The following NBAS variants were observed in gnomAD, a reference collection of about 807,000 sequenced individuals.
NBAS encodes NAG/BC035112 fusion.
A neutral mutation model predicts 302.5 loss-of-function variants in NBAS; 219 were observed. The observed-to-expected ratio is 0.72, with a 90% CI of 0.65 to 0.81. The LOEUF (loss-of-function observed/expected upper bound fraction) is 0.81, where lower values mean the gene tolerates loss of function less well. Ranked by LOEUF, NBAS falls within the 30% of genes least tolerant of loss-of-function variation. The probability of loss-of-function intolerance (pLI) is 0.00; values close to 1 mark genes in which losing one functional copy is unlikely to be tolerated. For synonymous variants in NBAS, 1,118 were observed against 1,021.6 expected (o/e 1.09, Z -1.80); for missense variants, 2,932 against 2,841.6 (o/e 1.03, Z -0.72).
At chr2:15,467,544 G>C in intron 18 of NBAS, 120 bp downstream of exon 18, 3 of 1,276,978 alleles carry the variant, frequency 2.3e-6, no homozygotes, top group Non-Finnish European at 2.3e-6. Flanking sequence ...TAAGATAATA[G>C]TAAGTACATT....
chr2:15,136,055 A>C, the NBAS span, among the ~76,000 whole-genome samples: 1 of 152,222 alleles, frequency 6.6e-6, no homozygotes, highest in East Asian at 1.9e-4. Context: ...TTCTCCGGTC[A>C]AGAGGCAACG....
chr2:15,071,601 G>A, the NBAS span, among the ~76,000 whole-genome samples: 3 of 149,734 alleles, frequency 2.0e-5, no homozygotes, highest in African/African-American at 7.4e-5. Context: ...TCCAGCCTGG[G>A]TGATAGAGCA....
intron 49 of NBAS, among the ~76,000 whole-genome samples, chr2:15,188,320 G>A (rs34314139): frequency 0.04 from 6,028 of 152,242 alleles, 170 homozygotes; most frequent in Non-Finnish European, 0.057. Flanking sequence ...TTGTGTTGAT[G>A]GGCAACATAC....
the NBAS span, among the ~76,000 whole-genome samples, chr2:15,074,137 C>G: frequency 6.6e-6 from 1 of 152,042 alleles, no homozygotes; most frequent in African/African-American, 2.4e-5. Flanking sequence ...TCCAAAAACT[C>G]AAACATACAT....
At chr2:15,132,210 T>G in the NBAS span, among the ~76,000 whole-genome samples, 1 of 152,136 alleles carries the variant, frequency 6.6e-6, no homozygotes, top group Non-Finnish European at 1.5e-5. Context: ...ATAAATAAAA[T>G]GCGGTACATC....
At chr2:14,904,973 C>T in the NBAS span, among the ~76,000 whole-genome samples, 3 of 152,140 alleles carry the variant, frequency 2.0e-5, no homozygotes, top group Non-Finnish European at 4.4e-5. Context: ...GGTGTGAACC[C>T]GGGAAGCGGA....
intron 48 of NBAS, 57 bp downstream of exon 48, chr2:15,218,716 C>A: frequency 1.2e-6 from 2 of 1,610,784 alleles, no homozygotes; most frequent in Non-Finnish European, 1.7e-6. Flanking sequence ...GCGTGAGCAA[C>A]CGCGTCCGGC....
At chr2:14,980,941 T>C in the NBAS span, among the ~76,000 whole-genome samples, 1 of 151,812 alleles carries the variant, frequency 6.6e-6, no homozygotes, top group Non-Finnish European at 1.5e-5. Flanking sequence ...TGTTGAAAGG[T>C]AAAGTTGGGG....
At chr2:14,972,201 C>A in the NBAS span, among the ~76,000 whole-genome samples, 1 of 151,990 alleles carries the variant, frequency 6.6e-6, no homozygotes, top group South Asian at 2.1e-4. Flanking sequence ...AACACAGGAA[C>A]AGAAAACCAA....
chr2:15,073,740 C>T, the NBAS span, among the ~76,000 whole-genome samples: 1 of 152,128 alleles, frequency 6.6e-6, no homozygotes, highest in South Asian at 2.1e-4. Context: ...TTGTGACTTA[C>T]TCTTTTTTAC....
chr2:15,049,283 C>T, the NBAS span, among the ~76,000 whole-genome samples: 1 of 152,240 alleles, frequency 6.6e-6, no homozygotes, highest in East Asian at 1.9e-4. Context: ...GCTTTGGCCA[C>T]CTGCAAGGCC....
At chr2:15,548,256 C>T (rs972839951) in intron 6 of NBAS, among the ~76,000 whole-genome samples, 11 of 150,700 alleles carry the variant, frequency 7.3e-5, no homozygotes, top group Admixed American at 2.0e-4. Flanking sequence ...GTGCTAAGCA[C>T]GAAAAAAAAA....
At chr2:14,976,592 G>A in the NBAS span, among the ~76,000 whole-genome samples, 14 of 152,168 alleles carry the variant, frequency 9.2e-5, no homozygotes, top group African/African-American at 2.4e-4. Context: ...AAAAGTGGTC[G>A]TTCCAAAAAT....
the NBAS span, among the ~76,000 whole-genome samples, chr2:14,866,209 A>G: frequency 6.6e-6 from 1 of 152,130 alleles, no homozygotes; most frequent in Admixed American, 6.6e-5. Context: ...TCTTTTATAC[A>G]GTCAGCTTAA....
chr2:15,558,791 A>G (rs900101577), intron 1 of NBAS, among the ~76,000 whole-genome samples, 157 bp from the exon 2 acceptor site: 1 of 152,188 alleles, frequency 6.6e-6, no homozygotes, highest in Non-Finnish European at 1.5e-5. Flanking sequence ...CTGGATGTTC[A>G]GGTGCAGTGG....
chr2:15,240,233 T>C (rs1028827314), intron 44 of NBAS, among the ~76,000 whole-genome samples: 4 of 151,942 alleles, frequency 2.6e-5, no homozygotes, highest in Admixed American at 2.6e-4. Context: ...CTGAAATACA[T>C]GGCATGAGTG....
At chr2:15,118,514 C>T in the NBAS span, among the ~76,000 whole-genome samples, 34 of 152,242 alleles carry the variant, frequency 2.2e-4, no homozygotes, top group South Asian at 5.2e-3. Context: ...ACCAATAGAA[C>T]GCAACTGAAC....
chr2:14,989,487 G>A, the NBAS span, among the ~76,000 whole-genome samples: 9,344 of 152,020 alleles, frequency 0.061, 719 homozygotes, highest in African/African-American at 0.17. Flanking sequence ...AAAACCAGGA[G>A]GTGGAGGTTG....
chr2:15,219,982 G>A (rs1666863145), intron 47 of NBAS, among the ~76,000 whole-genome samples: 1 of 150,660 alleles, frequency 6.6e-6, no homozygotes, highest in Non-Finnish European at 1.5e-5. Flanking sequence ...GGGCGGCCGG[G>A]CAGAGGCGCC....
Sources: gnomAD v4.1 joint callset for allele counts (sites outside exome capture counted in the v4.1 genomes callset) on GRCh38, gnomAD v4.1.1 for gene constraint, MANE v1.5 for transcripts, NCBI Gene and HGNC (gene_info 2026-07-23, HGNC 2026-07-21) for gene names.